The following PLG variants were observed in gnomAD, a reference collection of about 807,000 sequenced individuals.
PLG encodes the protein plasminogen, also known as plasmin.
A neutral mutation model predicts 104.4 loss-of-function variants in PLG; 41 were observed. The observed-to-expected ratio is 0.39, with a 90% CI of 0.31 to 0.51. The LOEUF (loss-of-function observed/expected upper bound fraction) is 0.51, where lower values mean the gene tolerates loss of function less well. Ranked by LOEUF, PLG falls within the 20% of genes least tolerant of loss-of-function variation. The pLI, the probability that PLG is intolerant of heterozygous loss-of-function variation, is 0.76. For synonymous variants in PLG, 337 were observed against 357.1 expected, an observed-to-expected ratio of 0.94 and a Z score of 0.63; for missense variants, 891 against 1,003.6, an observed-to-expected ratio of 0.89 and a Z score of 1.52.
Position 160,737,142 on chromosome 6 carries a change from AC to A in PLG, c.1802+136del. On this transcript the variant is annotated intron_variant, in intron 14 of 18. Coordinates refer to ENST00000308192, the MANE Select transcript of PLG (RefSeq NM_000301.5). This position sits in a 1 kb window ranked among gnomAD's most constrained non-coding sequence, Gnocchi z 4.7. ...AGTTTTCTGAAGGAGGAAAAAAGCT[AC>A]AAAAATTAATATATGTATATATACA... is the stretch of plus-strand genomic sequence containing the variant. 2.0e-6 allele frequency: 2 copies of A among 980,760 alleles called. No individual in the cohort carries two copies. The highest frequency in any genetic ancestry group is 1.5e-6 in the Non-Finnish European group (1 of 677,798). 60.8% of individuals were successfully genotyped at this position (980,760 alleles called of 1,614,324 possible). A position where few individuals can be genotyped will look rare whatever the true frequency, so the allele number is the denominator to read the frequency against.
chr6:160,707,480 G>A (rs1562371090), intron 2 of PLG, among the ~76,000 whole-genome samples: 1 of 152,136 alleles, frequency 6.6e-6, no homozygotes, highest in South Asian at 2.1e-4. Context: ...AAAATTATGA[G>A]GGAGGGAAGG....
At position 160,741,322 on chromosome 6, in the gene PLG, T is replaced by A. The variant is rs2115181768; in HGVS notation, c.2030T>A (p.Ile677Asn). 1 of 1,603,448 alleles carries A rather than the reference T, an allele frequency of 6.2e-7. No individual in the cohort carries two copies. The highest frequency in any genetic ancestry group is 1.7e-5 in the Admixed American group (1 of 60,016). ...ALLKLSSPAV[I>N]TDKVIPACLP... ...TGCTTTTCTTTCAGTCCTGCCGTCA[T>A]CACTGACAAAGTAATCCCAGCTTGT... The change falls in exon 17 of 19, where the codon ATC (isoleucine) becomes AAC (asparagine). Residue 677 changes from isoleucine to asparagine, a missense_variant. Physicochemically the swap from Ile to Asn is moderately radical, Grantham distance 149. Transcript: ENST00000308192. This position sits in a 1 kb window ranked among gnomAD's most constrained non-coding sequence, Gnocchi z 4.7.
At chr6:160,716,068 G>A (rs1777724057) in intron 6 of PLG, among the ~76,000 whole-genome samples, 1 of 152,218 alleles carries the variant, frequency 6.6e-6, no homozygotes, top group Non-Finnish European at 1.5e-5. Flanking sequence ...AAGGCTGGTG[G>A]GAGCAGAGCC....
At position 160,738,973 on chromosome 6, in the gene PLG, C is replaced by A; in HGVS notation, c.1878-95C>A. The A allele has an allele frequency of 6.8e-7, 1 of 1,462,998 alleles. No individual in the cohort carries two copies. Among genetic ancestry groups the A allele is most frequent in the Non-Finnish European group, 9.6e-7 (1 of 1,044,252 alleles). 90.6% of individuals were successfully genotyped at this position (1,462,998 alleles called of 1,614,324 possible). On this transcript the variant is annotated intron_variant, in intron 15 of 18. Transcript: ENST00000308192. The surrounding 1 kb of genome is among the most constrained non-coding windows in gnomAD (Gnocchi z 6.8). Reference sequence around the variant, plus strand: ...TCAGAAGTCACTAATTCTGAGTGGCCAAGGGTGTCAGGGAGACAGCACCAA... The same window carrying A: ...TCAGAAGTCACTAATTCTGAGTGGCAAAGGGTGTCAGGGAGACAGCACCAA...
rs58451822 is a variant in PLG, at chr6:160,723,554, T to A, written c.1256+987T>A. Among the ~76,000 whole-genome samples the A allele has an allele frequency of 4.4e-3, 673 of 151,744 alleles. 5 individuals carry two copies. Among genetic ancestry groups the A allele is most frequent in the African/African-American group, 0.013 (546 of 41,338 alleles). On this transcript the variant is annotated intron_variant, in intron 10 of 18. Coordinates refer to ENST00000308192, the MANE Select transcript of PLG (RefSeq NM_000301.5). This position sits in a 1 kb window ranked among gnomAD's most constrained non-coding sequence, Gnocchi z 4.7. ...GCTGAACTGAGGAAGGAGACTGGAG[T>A]TGGGATTACTAAAACAGCTGAGATT...
At chr6:160,715,284 T>C (rs1777710863) in intron 6 of PLG, among the ~76,000 whole-genome samples, 2 of 152,340 alleles carry the variant, frequency 1.3e-5, no homozygotes, top group South Asian at 4.1e-4. Flanking sequence ...GTTGCTGGTG[T>C]ATTTTCCAAA....
rs1778160553 is a variant in PLG at position 160,739,918 on chromosome 6, A to T, written c.2018+710A>T. 6.6e-6 allele frequency among the ~76,000 whole-genome samples: 1 copy of T among 152,154 alleles called. No homozygotes were observed. Among genetic ancestry groups the T allele is most frequent in the Admixed American group, 6.5e-5 (1 of 15,280 alleles). On this transcript the variant is annotated intron_variant, in intron 16 of 18. Transcript: ENST00000308192. This position sits in a 1 kb window ranked among gnomAD's most constrained non-coding sequence, Gnocchi z 4.4. ...TTCCTGTTGAAATGTTGTTTCACTA[A>T]GCCTGACAAAGTGAAACATTTGCTT...
chr6:160,722,380 A>G (rs761377369), intron 9 of PLG, 28 bp from the exon 10 acceptor site: 5 of 1,582,380 alleles, frequency 3.2e-6, no homozygotes, highest in Non-Finnish European at 4.3e-6. Context: ...GTAATTGTTA[A>G]GCTTGATTTC....
intron 17 of PLG, among the ~76,000 whole-genome samples, chr6:160,745,797 T>G (rs1778267770): frequency 6.6e-6 from 1 of 152,248 alleles, no homozygotes; most frequent in Admixed American, 6.5e-5. Flanking sequence ...AGTTAGTGCT[T>G]CTTTCAAGAT....
At chr6:160,743,353 T>C (rs1778225932) in intron 17 of PLG, among the ~76,000 whole-genome samples, 1 of 152,214 alleles carries the variant, frequency 6.6e-6, no homozygotes, top group Admixed American at 6.5e-5. Flanking sequence ...TGTTTTGTAA[T>C]TCTTATTGTA....
intron 12 of PLG, among the ~76,000 whole-genome samples, chr6:160,733,158 G>C (rs895549199): frequency 6.6e-6 from 1 of 152,222 alleles, no homozygotes; most frequent in African/African-American, 2.4e-5. Flanking sequence ...GGGGGGCAGA[G>C]ACCAAATATA....
intron 17 of PLG, among the ~76,000 whole-genome samples, chr6:160,750,306 C>T (rs1048768050): frequency 6.6e-6 from 1 of 152,176 alleles, no homozygotes; most frequent in Non-Finnish European, 1.5e-5. Flanking sequence ...GGGAGGGCTT[C>T]AATCCTCAGG....
At chr6:160,708,802 G>A (rs1777580606) in intron 3 of PLG, among the ~76,000 whole-genome samples, 1 of 151,976 alleles carries the variant, frequency 6.6e-6, no homozygotes, top group South Asian at 2.1e-4. Context: ...TCATCTTCCT[G>A]GGTTTCATTA....
chr6:160,727,506 A>G (rs1288832031), intron 10 of PLG, among the ~76,000 whole-genome samples: 1 of 151,700 alleles, frequency 6.6e-6, no homozygotes, highest in Non-Finnish European at 1.5e-5. Context: ...GTGAGAAACT[A>G]TAGCACATTA....
intron 17 of PLG, among the ~76,000 whole-genome samples, chr6:160,743,011 CTT>C (rs3028193): frequency 0.21 from 29,682 of 140,384 alleles, 3,332 homozygotes; most frequent in Non-Finnish European, 0.27. Flanking sequence ...GTCTACGTGT[CTT>C]TTTTTTTTTT....
At chr6:160,716,271 G>C (rs1213316129) in intron 6 of PLG, among the ~76,000 whole-genome samples, 2 of 152,178 alleles carry the variant, frequency 1.3e-5, no homozygotes. Flanking sequence ...TGATTCTGTT[G>C]AGTGATTTTT....
At chr6:160,730,168 G>T (rs3798901) in intron 10 of PLG, among the ~76,000 whole-genome samples, 8 of 152,196 alleles carry the variant, frequency 5.3e-5, no homozygotes, top group Non-Finnish European at 1.2e-4. Flanking sequence ...CCCCAGCCCG[G>T]GGTCCTCGCC....
At chr6:160,709,205 AT>A (rs1032034389) in intron 3 of PLG, among the ~76,000 whole-genome samples, 1 of 152,076 alleles carries the variant, frequency 6.6e-6, no homozygotes, top group Non-Finnish European at 1.5e-5. Context: ...AAAGTCAGTC[AT>A]TTTTTGGTCC....
chr6:160,710,662 C>G (rs1562372150), intron 3 of PLG, among the ~76,000 whole-genome samples: 1 of 152,218 alleles, frequency 6.6e-6, no homozygotes, highest in Non-Finnish European at 1.5e-5. Context: ...ATTCCCCCAT[C>G]TAAAAAGCCC....
Sources: allele counts gnomAD v4.1 joint callset (sites outside exome capture counted in the v4.1 genomes callset), GRCh38; gene constraint gnomAD v4.1.1; non-coding constraint Gnocchi (gnomAD v3.1); transcripts MANE v1.5; gene names NCBI Gene and HGNC (gene_info 2026-07-23, HGNC 2026-07-21).